The following MYO1H variants were observed in gnomAD, a reference collection of about 807,000 sequenced individuals.
MYO1H encodes the protein myosin IH.
Under a neutral mutation model 149.3 loss-of-function variants are expected in MYO1H, and 118 were observed. That is an observed-to-expected ratio of 0.79 (90% CI 0.68 to 0.92). The LOEUF is 0.92. Ranked by LOEUF, MYO1H falls within the 40% of genes least tolerant of loss-of-function variation. The pLI, the probability that MYO1H is intolerant of heterozygous loss-of-function variation, is 0.00. For missense variants in MYO1H, 1,212 were observed against 1,280.7 expected (o/e 0.95, Z 0.82); for synonymous variants, 447 against 465.2 (o/e 0.96, Z 0.50).
At chr12:109,382,922 AATAAAT>A (rs1239333279) in intron 1 of MYO1H, among the ~76,000 whole-genome samples, 3 of 148,968 alleles carry the variant, frequency 2.0e-5, no homozygotes, top group Non-Finnish European at 4.5e-5. Flanking sequence ...ATATATAAAA[AATAAAT>A]ATAAAGAAAA....
At chr12:109,340,325 C>T in the MYO1H span, among the ~76,000 whole-genome samples, 15 of 152,140 alleles carry the variant, frequency 9.9e-5, no homozygotes, top group South Asian at 2.1e-4. Context: ...GGATTACAGG[C>T]GCCCGGCTAA....
intron 19 of MYO1H, among the ~76,000 whole-genome samples, chr12:109,431,154 T>C (rs1480119830): frequency 1.3e-5 from 2 of 151,064 alleles, no homozygotes; most frequent in African/African-American, 2.4e-5. Context: ...CCGAAGTGGG[T>C]GGATCACGAG....
intron 1 of MYO1H, among the ~76,000 whole-genome samples, chr12:109,380,932 C>T (rs1331624462): frequency 1.3e-5 from 2 of 152,038 alleles, no homozygotes; most frequent in African/African-American, 2.4e-5. Context: ...GGCAACAGAG[C>T]GAGACTCTGT....
chr12:109,353,308 C>G (rs1302274602), intron 1 of MYO1H, among the ~76,000 whole-genome samples: 1 of 144,580 alleles, frequency 6.9e-6, no homozygotes, highest in Non-Finnish European at 1.5e-5. Flanking sequence ...GCAGGAAAAT[C>G]GCTTGAACCC....
chr12:109,387,655 G>A (rs763697567), intron 1 of MYO1H, among the ~76,000 whole-genome samples: 36 of 152,306 alleles, frequency 2.4e-4, no homozygotes, highest in African/African-American at 7.9e-4. Context: ...TCTGCTGCAC[G>A]TGGTATGTGG....
rs765174639 is a variant in MYO1H at position 109,438,532 on chromosome 12, T to G, written c.2210-4T>G. On this transcript the variant is annotated splice_polypyrimidine_tract_variant and splice_region_variant and intron_variant, in intron 22 of 31. Coordinates refer to ENST00000310903, the Ensembl canonical transcript of MYO1H. ...CTTCTAATGCCAGCAGTGAACTCTTTCAGCCATCAAACTGGAAGCCCACTG... is the reference window on the plus strand; with the variant it reads ...CTTCTAATGCCAGCAGTGAACTCTTGCAGCCATCAAACTGGAAGCCCACTG... The G allele has an allele frequency of 6.8e-6, 11 of 1,611,860 alleles. No individual in the cohort carries two copies. Among genetic ancestry groups the G allele is most frequent in the Non-Finnish European group, 7.6e-6 (9 of 1,178,626 alleles).
chr12:109,379,514 A>T (rs1008308966), intron 1 of MYO1H, among the ~76,000 whole-genome samples: 13 of 152,156 alleles, frequency 8.5e-5, no homozygotes, highest in African/African-American at 2.9e-4. Flanking sequence ...TTGTTTTAGT[A>T]AACTGCAATA....
chr12:109,401,097 T>A, exon 6 of MYO1H: 1 of 1,613,524 alleles, frequency 6.2e-7, no homozygotes, highest in Non-Finnish European at 8.5e-7. Context: ...TTGAAGGGCA[T>A]TCCCGTAGGT....
At chr12:109,407,675 G>A in intron 9 of MYO1H, 119 bp from the exon 10 acceptor site, 1 of 1,057,998 alleles carries the variant, frequency 9.5e-7, no homozygotes, top group Non-Finnish European at 1.3e-6. Context: ...TCCAGGCTGG[G>A]CAGCAGAGCG....
the MYO1H span, among the ~76,000 whole-genome samples, chr12:109,320,372 G>A: frequency 6.6e-6 from 1 of 150,856 alleles, no homozygotes; most frequent in Non-Finnish European, 1.5e-5. Context: ...CACTTTGGGA[G>A]GCCAAGGTGG....
intron 10 of MYO1H, among the ~76,000 whole-genome samples, chr12:109,408,195 GACAAGATCTTGCTCTGTC>G (rs1870485416): frequency 6.6e-6 from 1 of 152,058 alleles, no homozygotes; most frequent in Admixed American, 6.6e-5. Flanking sequence ...TATTTTTAGA[GACAAGATCTTGCTCTGTC>G]ACTCAGGCTG....
intron 16 of MYO1H, among the ~76,000 whole-genome samples, chr12:109,421,238 A>G (rs572407645): frequency 2.6e-4 from 40 of 152,000 alleles, no homozygotes; most frequent in African/African-American, 9.7e-4. Context: ...CCCCCTGGGC[A>G]CCAGCTCTGG....
chr12:109,358,846 T>TAAAAAAAA lies in MYO1H; in HGVS notation c.12+10891_12+10898dup, dbSNP rs541289093. Among the ~76,000 whole-genome samples the TAAAAAAAA allele has an allele frequency of 8.0e-3, 673 of 84,530 alleles. 22 individuals carry two copies. Among genetic ancestry groups the TAAAAAAAA allele is most frequent in the African/African-American group, 0.036 (649 of 17,852 alleles). 55.5% of individuals were successfully genotyped at this position (84,530 alleles called of 152,430 possible). A position where few individuals can be genotyped will look rare whatever the true frequency, so the allele number is the denominator to read the frequency against. ...TTCTGGGGGAAGCATCCTGTGGTGT[T>TAAAAAAAA]AAAAAAAAAAAAAAAAAAAAAAAAG... On this transcript the variant is annotated intron_variant, in intron 1 of 31. Coordinates refer to ENST00000310903, the Ensembl canonical transcript of MYO1H.
chr12:109,393,551 C>CCATCCGTCCATCCATCCATT (rs1566025320), intron 3 of MYO1H, 105 bp downstream of exon 3: 40 of 609,978 alleles, frequency 6.6e-5, no homozygotes, highest in East Asian at 5.4e-4. Flanking sequence ...ATCCATCCAT[C>CCATCCGTCCATCCATCCATT]CATCCATCCA....
At chr12:109,327,099 TATTTA>T in the MYO1H span, among the ~76,000 whole-genome samples, 1 of 151,266 alleles carries the variant, frequency 6.6e-6, no homozygotes, top group Non-Finnish European at 1.5e-5. Flanking sequence ...CTCCTGTAGT[TATTTA>T]ATTTTTCTTT....
At chr12:109,392,552 A>C (rs1180851255) in intron 2 of MYO1H, among the ~76,000 whole-genome samples, 1 of 151,978 alleles carries the variant, frequency 6.6e-6, no homozygotes, top group African/African-American at 2.4e-5. Context: ...GTGAAACTGC[A>C]TCTCTACTAA....
chr12:109,328,489 C>T, the MYO1H span, among the ~76,000 whole-genome samples: 1 of 152,164 alleles, frequency 6.6e-6, no homozygotes, highest in Non-Finnish European at 1.5e-5. Context: ...AGCTGTTACA[C>T]CTGGCTTTAG....
intron 1 of MYO1H, among the ~76,000 whole-genome samples, chr12:109,349,590 G>A (rs1353765077): frequency 4.0e-5 from 6 of 148,616 alleles, no homozygotes; most frequent in African/African-American, 1.2e-4. Context: ...GAGCTAGGGT[G>A]ATCAAGGCTG....
chr12:109,443,802 C>A, intron 28 of MYO1H, 153 bp downstream of exon 28: 1 of 786,484 alleles, frequency 1.3e-6, no homozygotes, highest in Non-Finnish European at 2.0e-6. Context: ...ACTCGGAAGG[C>A]TGAGGCAGGA....
Sources: gnomAD v4.1 joint callset for allele counts (sites outside exome capture counted in the v4.1 genomes callset) on GRCh38, gnomAD v4.1.1 for gene constraint, MANE v1.5 for transcripts, NCBI Gene and HGNC (gene_info 2026-07-23, HGNC 2026-07-21) for gene names.